The following AHCYL1 variants were observed in gnomAD, a reference collection of about 807,000 sequenced individuals.
The protein encoded by AHCYL1 is S-adenosylhomocysteine hydrolase-like protein 1.
AHCYL1 carries 20 observed loss-of-function variants against 79.3 expected under a neutral mutation model. The observed-to-expected ratio is 0.25, with a 90% CI of 0.18 to 0.37. The LOEUF (loss-of-function observed/expected upper bound fraction) is 0.37, where lower values mean the gene tolerates loss of function less well. Ranked by LOEUF, AHCYL1 falls within the 10% of genes least tolerant of loss-of-function variation. AHCYL1 has a pLI of 1.00. For synonymous variants in AHCYL1, 223 were observed against 242.2 expected (o/e 0.92, Z 0.74); for missense variants, 330 against 673.6 (o/e 0.49, Z 5.65).
chr1:109,999,277 G>A (rs1379802750), intron 1 of AHCYL1, among the ~76,000 whole-genome samples: 1 of 152,180 alleles, frequency 6.6e-6, no homozygotes, highest in Non-Finnish European at 1.5e-5. Flanking sequence ...GTGTATATGT[G>A]TGTGTATTGT....
At chr1:109,996,609 C>G (rs1044187903) in intron 1 of AHCYL1, among the ~76,000 whole-genome samples, 1 of 152,226 alleles carries the variant, frequency 6.6e-6, no homozygotes, top group African/African-American at 2.4e-5. Flanking sequence ...GGGATACATT[C>G]TGTAAACTGT....
chr1:110,014,938 T>G, intron 6 of AHCYL1, 81 bp downstream of exon 6: 1 of 1,341,242 alleles, frequency 7.5e-7, no homozygotes, highest in South Asian at 1.2e-5. Flanking sequence ...CCTAAATATG[T>G]TTTGGATGTT....
rs753615142 is a variant in AHCYL1, at chr1:110,018,609, G to A, written c.1276G>A (p.Val426Ile). ...WERVRSQVDH[V>I]IWPDGKRVVL... Reference sequence around the variant, plus strand: ...GCGAGTACGTTCTCAGGTGGACCATGTCATCTGGCCAGATGGCAAACGAGT... The same window carrying A: ...GCGAGTACGTTCTCAGGTGGACCATATCATCTGGCCAGATGGCAAACGAGT... Residue 426 changes from valine to isoleucine, a missense_variant, in exon 13 of 17, where the codon GTC becomes ATC. This residue lies in a region of AHCYL1 where 119 missense variants were observed against 293.3 expected (regional missense o/e 0.41). Transcript: ENST00000369799. 5.0e-6 allele frequency: 8 copies of A among 1,613,862 alleles called. No homozygotes were observed. Among genetic ancestry groups the A allele is most frequent in the Non-Finnish European group, 5.9e-6 (7 of 1,179,956 alleles).
At chr1:110,006,948 G>A (rs1429989260) in intron 1 of AHCYL1, among the ~76,000 whole-genome samples, 1 of 152,174 alleles carries the variant, frequency 6.6e-6, no homozygotes, top group Non-Finnish European at 1.5e-5. Flanking sequence ...TAGGGGCACT[G>A]CACTGGTTAG....
chr1:110,001,065 C>A, intron 1 of AHCYL1: 1 of 583,352 alleles, frequency 1.7e-6, no homozygotes, highest in Non-Finnish European at 2.2e-6. Flanking sequence ...GTGGTGTTAC[C>A]AGTGATGCTT....
chr1:109,995,325 A>G (rs1649975399), intron 1 of AHCYL1, among the ~76,000 whole-genome samples: 1 of 152,196 alleles, frequency 6.6e-6, no homozygotes, highest in Non-Finnish European at 1.5e-5. Flanking sequence ...CTTACTCCGC[A>G]GCGAGGGGAT....
At chr1:110,021,589 G>C in intron 16 of AHCYL1, 85 bp from the exon 17 acceptor site, 1 of 1,418,416 alleles carries the variant, frequency 7.1e-7, no homozygotes, top group South Asian at 1.2e-5. Context: ...GAGGGGCCCT[G>C]GAGAAGGTGC....
intron 1 of AHCYL1, among the ~76,000 whole-genome samples, chr1:110,001,210 G>A (rs900754812): frequency 3.3e-5 from 5 of 149,454 alleles, no homozygotes; most frequent in Admixed American, 2.0e-4. Context: ...TTTTTGAGAC[G>A]GAGTCTCGCT....
intron 1 of AHCYL1, among the ~76,000 whole-genome samples, chr1:109,999,267 G>A (rs754682108): frequency 2.0e-4 from 31 of 152,246 alleles, no homozygotes; most frequent in Non-Finnish European, 4.0e-4. Context: ...TAGTTACTTT[G>A]TGTATATGTG....
intron 1 of AHCYL1, chr1:110,004,163 T>G (rs1650496175): frequency 1.0e-6 from 1 of 985,386 alleles, no homozygotes; most frequent in Admixed American, 6.2e-5. Context: ...TCTAGCTGTG[T>G]GTGTGTTATA....
chr1:109,985,031 C>G lies in AHCYL1; in HGVS notation c.-22C>G. Reference sequence around the variant, plus strand: ...AAAGAGGCGGGGGCGGCGGGTCAGCCGCTGGCCGGGCCGGCCGGGGAATGT... The same window carrying G: ...AAAGAGGCGGGGGCGGCGGGTCAGCGGCTGGCCGGGCCGGCCGGGGAATGT... On this transcript the variant is annotated 5_prime_UTR_variant, in exon 1 of 17. Transcript: ENST00000369799. 6.5e-7 allele frequency: 1 copy of G among 1,535,300 alleles called. No individual in the cohort carries two copies. Among genetic ancestry groups the G allele is most frequent in the Non-Finnish European group, 8.8e-7 (1 of 1,141,564 alleles).
rs1357783416 is a variant in AHCYL1, at chr1:110,019,534, T to A, written c.1387-14T>A. On this transcript the variant is annotated splice_polypyrimidine_tract_variant and intron_variant, in intron 14 of 16. Coordinates refer to ENST00000369799, the MANE Select transcript of AHCYL1 (RefSeq NM_006621.7). ...AATATTTTTGTGCTTTCTGGCCTTCTTTTCCCACCTTAGGCTTTGGCACTG... is the reference window on the plus strand; with the variant it reads ...AATATTTTTGTGCTTTCTGGCCTTCATTTCCCACCTTAGGCTTTGGCACTG... 6.3e-7 allele frequency: 1 copy of A among 1,587,168 alleles called. No homozygotes were observed. The highest frequency in any genetic ancestry group is 2.2e-5 in the East Asian group (1 of 44,754).
chr1:110,021,381 C>T (rs893485224), intron 16 of AHCYL1, among the ~76,000 whole-genome samples: 5 of 152,084 alleles, frequency 3.3e-5, no homozygotes, highest in African/African-American at 9.7e-5. Flanking sequence ...ATTTGGTCTG[C>T]GATGGGACCA....
chr1:109,989,793 T>C (rs1210682585), intron 1 of AHCYL1, among the ~76,000 whole-genome samples: 1 of 152,234 alleles, frequency 6.6e-6, no homozygotes, highest in African/African-American at 2.4e-5. Flanking sequence ...ATACATTTTA[T>C]TATAATTTAG....
At chr1:110,018,156 GT>G in intron 11 of AHCYL1, 140 bp downstream of exon 11, 1 of 1,066,790 alleles carries the variant, frequency 9.4e-7, no homozygotes, top group Non-Finnish European at 1.4e-6. Flanking sequence ...ACCTTAACAT[GT>G]TTTCCAGAGT....
intron 1 of AHCYL1, among the ~76,000 whole-genome samples, chr1:109,999,337 A>G (rs186493954): frequency 1.3e-3 from 195 of 152,340 alleles, no homozygotes; most frequent in African/African-American, 3.9e-3. Context: ...CTAGTATACA[A>G]TGTTATTGTT....
chr1:109,995,871 C>A (rs186943494), intron 1 of AHCYL1, among the ~76,000 whole-genome samples: 1 of 152,294 alleles, frequency 6.6e-6, no homozygotes, highest in Non-Finnish European at 1.5e-5. Flanking sequence ...GATTTAGAAC[C>A]ATTCTTTTAG....
intron 1 of AHCYL1, among the ~76,000 whole-genome samples, chr1:109,995,922 C>T (rs7550200): frequency 0.077 from 11,789 of 152,196 alleles, 1,346 homozygotes; most frequent in African/African-American, 0.25. Context: ...GGAAATCTAA[C>T]ATTGAGATGG....
In AHCYL1 at chr1:110,014,806, C is replaced by T; in HGVS notation, c.624C>T (p.Phe208=). The part of the protein sequence containing the change: ...FAWKGESEDD[F]WWCIDRCVNM... The stretch of plus-strand genomic sequence containing the variant: ...GGAAGGGCGAGTCAGAAGATGACTT[C>T]TGGTGGTGTATTGACCGCTGTGTGA... The change falls in exon 6 of 17, where the codon TTC becomes TTT. Residue 208 remains phenylalanine, a synonymous_variant. Coordinates refer to ENST00000369799, the MANE Select transcript of AHCYL1 (RefSeq NM_006621.7). 1 of 1,614,204 alleles carries T rather than the reference C, an allele frequency of 6.2e-7. No homozygotes were observed. The highest frequency in any genetic ancestry group is 8.5e-7 in the Non-Finnish European group (1 of 1,180,032).
Sources: gnomAD v4.1 joint callset for allele counts (sites outside exome capture counted in the v4.1 genomes callset) on GRCh38, gnomAD v4.1.1 for gene constraint, gnomAD v4.1.1 regional missense constraint, MANE v1.5 for transcripts, NCBI Gene and HGNC (gene_info 2026-07-23, HGNC 2026-07-21) for gene names.